EPHA8: variants seen among roughly 807,000 people sequenced by gnomAD.
EPHA8 encodes the protein EPH receptor A8.
A neutral mutation model predicts 103.6 loss-of-function variants in EPHA8; 58 were observed. That is an observed-to-expected ratio of 0.56 (90% confidence interval 0.45 to 0.70). The LOEUF is 0.70. Ranked by LOEUF, EPHA8 falls within the 30% of genes least tolerant of loss-of-function variation. The pLI is 0.00. For missense variants in EPHA8, 1,304 were observed against 1,395.2 expected (o/e 0.93, Z 1.04); for synonymous variants, 559 against 572.5 (o/e 0.98, Z 0.34).
In EPHA8 at chr1:22,576,897, C is replaced by G. The variant is rs760579521; in HGVS notation, c.823+17C>G. ...CCTGTGTGGGTGAGCGCGCCATGGC[C>G]TGGGCATGGGTCAGCCGGCAGCGGT... On this transcript the variant is annotated intron_variant, in intron 3 of 16. Coordinates refer to ENST00000166244, the MANE Select transcript of EPHA8 (RefSeq NM_020526.5). The surrounding 1 kb of genome is among the most constrained non-coding windows in gnomAD (Gnocchi z 4.8). 6 of 1,564,760 alleles carry G rather than the reference C, an allele frequency of 3.8e-6. No individual in the cohort carries two copies. The Admixed American group carries it at 8.6e-5, about 22-fold the overall frequency.
rs368425196 is a variant in EPHA8 at position 22,600,892 on chromosome 1, C to T, written c.2539-6C>T. ...GACGGCTGAGCCCAGCGCTGATCCC[C>T]TGCAGGTCATCAGCTCTGTGGAGGA... On this transcript the variant is annotated splice_region_variant and splice_polypyrimidine_tract_variant and intron_variant, in intron 14 of 16. Coordinates refer to ENST00000166244, the MANE Select transcript of EPHA8 (RefSeq NM_020526.5). The T allele has an allele frequency of 5.2e-5, 83 of 1,600,886 alleles. No homozygotes were observed. The highest frequency in any genetic ancestry group is 6.3e-5 in the Non-Finnish European group (74 of 1,172,662).
rs1037239744 is a variant in EPHA8, at chr1:22,569,933, G to A, written c.159+580G>A. On this transcript the variant is annotated intron_variant, in intron 2 of 16. Coordinates refer to ENST00000166244, the MANE Select transcript of EPHA8 (RefSeq NM_020526.5). The surrounding 1 kb of genome is among the most constrained non-coding windows in gnomAD (Gnocchi z 4.5). ...TGAATCCTGCGGGGGCAGGGCAGTAGAGTAGGAGTGAGCCCGCGAGCCTGG... is the reference window on the plus strand; with the variant it reads ...TGAATCCTGCGGGGGCAGGGCAGTAAAGTAGGAGTGAGCCCGCGAGCCTGG... Among the ~76,000 whole-genome samples, 1 of 152,186 alleles carries A rather than the reference G, an allele frequency of 6.6e-6. No individual in the cohort carries two copies. The highest frequency in any genetic ancestry group is 1.5e-5 in the Non-Finnish European group (1 of 68,026).
In EPHA8 at chr1:22,601,308, C is replaced by T. The variant is rs199853592; in HGVS notation, c.2738C>T (p.Pro913Leu). The change falls in exon 16 of 17, where the codon CCC becomes CTC. Residue 913 changes from proline (P) to leucine (L), a missense_variant. Physicochemically the swap from Pro to Leu is moderately conservative, Grantham distance 98. Transcript: ENST00000166244. ...GAGCCCCTGTGCCTCAGGTGCCCAC[C>T]CCCTGCCTTCGTCCGGAGCTGCTTT... Reference protein sequence around the residue: ...RATATVSRCPPPAFVRSCFDL... With the variant: ...RATATVSRCPLPAFVRSCFDL... 96 of 1,599,700 alleles carry T rather than the reference C, an allele frequency of 6.0e-5. No homozygotes were observed. The highest frequency in any genetic ancestry group is 1.7e-5 in the Non-Finnish European group (20 of 1,175,756).
chr1:22,597,291 G>T lies in EPHA8; in HGVS notation c.1766-21G>T. 1 of 1,580,004 alleles carries T rather than the reference G, an allele frequency of 6.3e-7. No individual in the cohort carries two copies. Among genetic ancestry groups the T allele is most frequent in the Non-Finnish European group, 8.7e-7 (1 of 1,155,328 alleles). On this transcript the variant is annotated intron_variant, in intron 9 of 16. Coordinates refer to ENST00000166244, the MANE Select transcript of EPHA8 (RefSeq NM_020526.5). The surrounding 1 kb of genome is among the most constrained non-coding windows in gnomAD (Gnocchi z 4.6). ...GCAATCTCTCCTGGGCCCCACTGAA[G>T]GCCCTCCTCCCGCCCCTCAGCACCC...
rs1188000635 is a variant in EPHA8 at position 22,576,586 on chromosome 1, A to T, written c.529A>T (p.Ser177Cys). ...GGAGGTGCGCAGTGTGGGTCCCCTCAGCAAGCGCGGCTTCTACCTGGCCTT... is the reference window on the plus strand; with the variant it reads ...GGAGGTGCGCAGTGTGGGTCCCCTCTGCAAGCGCGGCTTCTACCTGGCCTT... ...NTEVRSVGPL[S>C]KRGFYLAFQD... is the part of the protein sequence containing the mutation. The change falls in exon 3 of 17, where the codon AGC becomes TGC. Residue 177 changes from serine to cysteine, a missense_variant. Coordinates refer to ENST00000166244, the MANE Select transcript of EPHA8 (RefSeq NM_020526.5). The surrounding 1 kb of genome is among the most constrained non-coding windows in gnomAD (Gnocchi z 4.8). 15 of 1,613,968 alleles carry T rather than the reference A, an allele frequency of 9.3e-6. No individual in the cohort carries two copies. The highest frequency in any genetic ancestry group is 2.2e-5 in the East Asian group (1 of 44,888).
chr1:22,566,990 G>T (rs1162930113), intron 1 of EPHA8, among the ~76,000 whole-genome samples: 1 of 152,156 alleles, frequency 6.6e-6, no homozygotes, highest in East Asian at 1.9e-4. Flanking sequence ...ATTGACTTTT[G>T]ACTTATCTTT....
chr1:22,577,990 CATGTACACCT>C (rs1484179770), intron 3 of EPHA8, among the ~76,000 whole-genome samples: 22 of 158 alleles, frequency 0.14, no homozygotes, highest in South Asian at 0.5. Flanking sequence ...TGCATGTGTG[CATGTACACCT>C]GTGTGTGCAT....
intron 4 of EPHA8, among the ~76,000 whole-genome samples, chr1:22,587,730 C>G (rs1641256710): frequency 6.6e-6 from 1 of 152,218 alleles, no homozygotes; most frequent in African/African-American, 2.4e-5. Flanking sequence ...CAGCCCCCAT[C>G]TCCCGCTCCC....
In EPHA8 at chr1:22,574,065, G is replaced by A. The variant is rs1166606014; in HGVS notation, c.160-2152G>A. Among the ~76,000 whole-genome samples the A allele has an allele frequency of 2.6e-5, 4 of 152,304 alleles. 1 individual carries two copies. The highest frequency in any genetic ancestry group is 4.8e-5 in the African/African-American group (2 of 41,560). On this transcript the variant is annotated intron_variant, in intron 2 of 16. Coordinates refer to ENST00000166244, the MANE Select transcript of EPHA8 (RefSeq NM_020526.5). ...ACAATCTCAGCTCACTGCAAACTCCGTCCCCCGGGTTCACGCCATTCTCCT... is the reference window on the plus strand; with the variant it reads ...ACAATCTCAGCTCACTGCAAACTCCATCCCCCGGGTTCACGCCATTCTCCT...
Position 22,598,746 on chromosome 1 carries a change from C to A in EPHA8, c.2179-92C>A. 7.4e-7 allele frequency: 1 copy of A among 1,347,220 alleles called. No homozygotes were observed. Among genetic ancestry groups the A allele is most frequent in the Non-Finnish European group, 1.0e-6 (1 of 974,006 alleles). The allele number at this position is 1,347,220 out of a possible 1,614,324, so 83.5% of individuals were successfully genotyped here. ...GGCAAATTGCAAAGCACCGTCTCAA[C>A]TCGAGAGCATCCTACAGATGGGAGG... On this transcript the variant is annotated intron_variant, in intron 12 of 16. Transcript: ENST00000166244. This position sits in a 1 kb window ranked among gnomAD's most constrained non-coding sequence, Gnocchi z 5.1.
Position 22,598,828 on chromosome 1 carries a change from C to T in EPHA8, c.2179-10C>T. Reference sequence around the variant, plus strand: ...GGCTTTCCTGAAGTCCAAGCCATGTCCCCCTGCAGACCCACGACGGGCAGT... The same window carrying T: ...GGCTTTCCTGAAGTCCAAGCCATGTTCCCCTGCAGACCCACGACGGGCAGT... On this transcript the variant is annotated splice_polypyrimidine_tract_variant and intron_variant, in intron 12 of 16. Transcript: ENST00000166244. The surrounding 1 kb of genome is among the most constrained non-coding windows in gnomAD (Gnocchi z 5.1). 1.2e-6 allele frequency: 2 copies of T among 1,611,226 alleles called. No individual in the cohort carries two copies. Among genetic ancestry groups the T allele is most frequent in the Non-Finnish European group, 1.7e-6 (2 of 1,179,106 alleles).
At chr1:22,586,227 G>A (rs1204822771) in intron 3 of EPHA8, among the ~76,000 whole-genome samples, 1 of 152,144 alleles carries the variant, frequency 6.6e-6, no homozygotes, top group African/African-American at 2.4e-5. Flanking sequence ...TCACTTTGAG[G>A]CTGGGACTCC....
rs201043307 is a variant in EPHA8, at chr1:22,588,901, C to G, written c.1010C>G (p.Ser337Cys). 29 of 1,601,300 alleles carry G rather than the reference C, an allele frequency of 1.8e-5. No homozygotes were observed. Among genetic ancestry groups the G allele is most frequent in the Non-Finnish European group, 2.4e-5 (28 of 1,175,912 alleles). ...CCCTCGGCACCAGTGAACCTGATCT[C>G]CAGTGTGAATGGGACATCAGTGACT... ...RPPSAPVNLI[S>C]SVNGTSVTLE... Residue 337 changes from serine (S) to cysteine (C), a missense_variant, in exon 5 of 17, where the codon TCC becomes TGC. Ser to Cys is a moderately radical substitution (Grantham distance 112). Coordinates refer to ENST00000166244, the MANE Select transcript of EPHA8 (RefSeq NM_020526.5).
At chr1:22,599,736 G>GA (rs140634907) in intron 13 of EPHA8, among the ~76,000 whole-genome samples, 12,893 of 17,188 alleles carry the variant, frequency 0.75, 4,871 homozygotes, top group Middle Eastern at 1. Context: ...GGGAAGGAAG[G>GA]AGGGAGGGAG....
rs753371979 is a variant in EPHA8, at chr1:22,598,997, G to A, written c.2338G>A (p.Gly780Arg). 11 of 1,611,414 alleles carry A rather than the reference G, an allele frequency of 6.8e-6. No homozygotes were observed. Among genetic ancestry groups the A allele is most frequent in the South Asian group, 1.1e-5 (1 of 90,600 alleles). ...CCTGGTCTGCAAGGTGTCTGACTTC[G>A]GGCTCTCACGGGTGCTGGAGGACGA... ...SNLVCKVSDF[G>R]LSRVLEDDPD... Residue 780 changes from glycine to arginine, a missense_variant, in exon 13 of 17, where the codon GGG (glycine) becomes AGG (arginine). Transcript: ENST00000166244. The surrounding 1 kb of genome is among the most constrained non-coding windows in gnomAD (Gnocchi z 5.1).
At position 22,601,310 on chromosome 1, in the gene EPHA8, C is replaced by G; in HGVS notation, c.2740C>G (p.Pro914Ala). ...ATATVSRCPP[P>A]AFVRSCFDLR... ...GCCCCTGTGCCTCAGGTGCCCACCC[C>G]CTGCCTTCGTCCGGAGCTGCTTTGA... is the stretch of plus-strand genomic sequence containing the variant. The change falls in exon 16 of 17, where the codon CCT becomes GCT. Residue 914 changes from proline (P) to alanine (A), a missense_variant. Physicochemically the swap from Pro to Ala is conservative, Grantham distance 27. Transcript: ENST00000166244. 6.3e-7 allele frequency: 1 copy of G among 1,599,996 alleles called. No individual in the cohort carries two copies. The highest frequency in any genetic ancestry group is 1.1e-5 in the South Asian group (1 of 89,500).
At chr1:22,599,763 GGA>G (rs1168392821) in intron 13 of EPHA8, among the ~76,000 whole-genome samples, 1 of 82,842 alleles carries the variant, frequency 1.2e-5, no homozygotes, top group Non-Finnish European at 2.4e-5. Context: ...GGGAAAGAAG[GGA>G]GAGAGGGAGG....
In EPHA8 at chr1:22,589,391, A is replaced by G; in HGVS notation, c.1315+185A>G. On this transcript the variant is annotated intron_variant, in intron 5 of 16. Coordinates refer to ENST00000166244, the MANE Select transcript of EPHA8 (RefSeq NM_020526.5). This position sits in a 1 kb window ranked among gnomAD's most constrained non-coding sequence, Gnocchi z 4.3. Reference sequence around the variant, plus strand: ...TTCATTGCCTTTAGAAAAGTGGAACACATTCTATAAGTAAGAGAAATCCCA... The same window carrying G: ...TTCATTGCCTTTAGAAAAGTGGAACGCATTCTATAAGTAAGAGAAATCCCA... 1 of 1,529,914 alleles carries G rather than the reference A, an allele frequency of 6.5e-7. No homozygotes were observed. Among genetic ancestry groups the G allele is most frequent in the South Asian group, 1.3e-5 (1 of 79,720 alleles). 94.8% of individuals were successfully genotyped at this position (1,529,914 alleles called of 1,614,324 possible). A position where few individuals can be genotyped will look rare whatever the true frequency, so the allele number is the denominator to read the frequency against.
chr1:22,589,269 T>A lies in EPHA8; in HGVS notation c.1315+63T>A. 1 of 1,613,978 alleles carries A rather than the reference T, an allele frequency of 6.2e-7. No individual in the cohort carries two copies. The highest frequency in any genetic ancestry group is 8.5e-7 in the Non-Finnish European group (1 of 1,180,006). On this transcript the variant is annotated intron_variant, in intron 5 of 16. Coordinates refer to ENST00000166244, the MANE Select transcript of EPHA8 (RefSeq NM_020526.5). This position sits in a 1 kb window ranked among gnomAD's most constrained non-coding sequence, Gnocchi z 4.3. ...CCCAGCTTCCCCTGCCTCAGACCCA[T>A]CCAGGGATCAGAGCTCTGCCGGGGA... is the stretch of plus-strand genomic sequence containing the variant.
Sources: allele counts gnomAD v4.1 joint callset (sites outside exome capture counted in the v4.1 genomes callset), GRCh38; gene constraint gnomAD v4.1.1; non-coding constraint Gnocchi (gnomAD v3.1); transcripts MANE v1.5; gene names NCBI Gene and HGNC (gene_info 2026-07-23, HGNC 2026-07-21).